The following ZNF439 variants were observed in gnomAD, a reference collection of about 807,000 sequenced individuals.
ZNF439 encodes zinc finger protein 439.
In ZNF439, 40 loss-of-function variants were observed where a neutral mutation model predicts 47.3. That is an observed-to-expected ratio of 0.85 (90% CI 0.66 to 1.10). ZNF439 has a LOEUF of 1.10. Among genes scored for constraint, ZNF439 ranks in the 50% least tolerant of loss-of-function variants. The probability of loss-of-function intolerance (pLI) is 0.00; values close to 1 mark genes in which losing one functional copy is unlikely to be tolerated. For synonymous variants in ZNF439, 171 were observed against 198.8 expected (o/e 0.86, Z 1.18); for missense variants, 556 against 601.1 (o/e 0.93, Z 0.78).
chr19:11,854,537 A>C (rs1976333353), intron 1 of ZNF439, among the ~76,000 whole-genome samples: 1 of 152,194 alleles, frequency 6.6e-6, no homozygotes, highest in Admixed American at 6.5e-5. Flanking sequence ...AGGCAGGTGG[A>C]TTACAAGGTC....
At chr19:11,863,225 G>A (rs1472097977) in intron 1 of ZNF439, among the ~76,000 whole-genome samples, 3 of 132,292 alleles carry the variant, frequency 2.3e-5, no homozygotes, top group East Asian at 2.3e-4. Context: ...GCACAGTCTC[G>A]GCTCAGCTCA....
chr19:11,854,913 T>C (rs449317), intron 1 of ZNF439, among the ~76,000 whole-genome samples: 26,370 of 152,128 alleles, frequency 0.17, 3,056 homozygotes, highest in African/African-American at 0.33. Context: ...AACCGTAAAC[T>C]GAGTGGTGAT....
intron 3 of ZNF439, among the ~76,000 whole-genome samples, chr19:11,866,825 TCAA>T (rs1249827696): frequency 1.3e-5 from 2 of 152,134 alleles, no homozygotes; most frequent in Non-Finnish European, 2.9e-5. Flanking sequence ...GGCCAGCAGT[TCAA>T]CAACAGCCTG....
At chr19:11,855,311 G>T (rs545287364) in intron 1 of ZNF439, among the ~76,000 whole-genome samples, 4 of 152,308 alleles carry the variant, frequency 2.6e-5, no homozygotes, top group South Asian at 4.1e-4. Flanking sequence ...GTCCATGGAG[G>T]GGGGTAGGAA....
At chr19:11,850,198 T>G (rs1976196671) in intron 1 of ZNF439, 2 of 152,326 alleles carry the variant, frequency 1.3e-5, no homozygotes, top group South Asian at 2.1e-4. Flanking sequence ...CTCAGCCTCC[T>G]GAGTAGCTGG....
At chr19:11,850,554 A>C (rs1976208175) in intron 1 of ZNF439, 2 of 152,096 alleles carry the variant, frequency 1.3e-5, no homozygotes, top group African/African-American at 4.8e-5. Context: ...TCAAGCAGAA[A>C]GATAGCAATG....
intron 1 of ZNF439, among the ~76,000 whole-genome samples, chr19:11,859,920 A>G (rs957720460): frequency 5.3e-5 from 8 of 152,178 alleles, no homozygotes; most frequent in Non-Finnish European, 1.0e-4. Flanking sequence ...GCTGTCTAGC[A>G]GAATAAGAAG....
At chr19:11,851,997 T>G (rs1976259269) in intron 1 of ZNF439, among the ~76,000 whole-genome samples, 1 of 152,212 alleles carries the variant, frequency 6.6e-6, no homozygotes, top group African/African-American at 2.4e-5. Context: ...GCTTGTTTTC[T>G]TTTCTTTCTA....
At chr19:11,864,926 A>T (rs1364942976) in intron 1 of ZNF439, among the ~76,000 whole-genome samples, 1 of 151,928 alleles carries the variant, frequency 6.6e-6, no homozygotes, top group Admixed American at 6.6e-5. Flanking sequence ...GATTACAGGC[A>T]TGCGCCACCA....
In ZNF439 at chr19:11,866,350, C is replaced by A. The variant is rs766152874; in HGVS notation, c.190+19C>A. The A allele has an allele frequency of 3.1e-6, 5 of 1,613,986 alleles. No homozygotes were observed. Among genetic ancestry groups the A allele is most frequent in the Non-Finnish European group, 4.2e-6 (5 of 1,179,980 alleles). On this transcript the variant is annotated intron_variant, in intron 2 of 3. Coordinates refer to ENST00000682736, the MANE Select transcript of ZNF439 (RefSeq NM_001348719.2). ...TCTATAGGTAAGGATGACAATATTC[C>A]TTCCCTCAGTGCATTAGTTTACCAA...
intron 1 of ZNF439, among the ~76,000 whole-genome samples, chr19:11,855,465 T>C (rs894111765): frequency 3.3e-5 from 5 of 152,170 alleles, no homozygotes; most frequent in African/African-American, 9.7e-5. Context: ...ATGCTTGAGC[T>C]TGAATTATAA....
At chr19:11,855,925 G>C (rs969830979) in intron 1 of ZNF439, 1 of 152,204 alleles carries the variant, frequency 6.6e-6, no homozygotes, top group African/African-American at 2.4e-5. Context: ...GGTTGTACCG[G>C]AGGGACCAAG....
At chr19:11,858,149 G>T (rs1295911836) in intron 1 of ZNF439, 1 of 152,152 alleles carries the variant, frequency 6.6e-6, no homozygotes, top group African/African-American at 2.4e-5. Context: ...TATCCTTCTC[G>T]TGTAAGGGTA....
chr19:11,862,205 C>T (rs529886613), intron 1 of ZNF439, among the ~76,000 whole-genome samples: 7 of 152,060 alleles, frequency 4.6e-5, no homozygotes, highest in Admixed American at 1.3e-4. Flanking sequence ...CCACCATGTC[C>T]GGCCACTCAT....
At chr19:11,856,250 T>C (rs1387084937) in intron 1 of ZNF439, 2 of 152,242 alleles carry the variant, frequency 1.3e-5, no homozygotes, top group Admixed American at 6.5e-5. Flanking sequence ...TGGTCTCCTA[T>C]ACCCCCTTTC....
Position 11,848,768 on chromosome 19 carries a change from C to G in ZNF439, c.-100C>G. ...GGAGGATGTTGCATTCCTGCCGTCA[C>G]CTTTGTCGCTGCGAGGGCGGCGGTT... On this transcript the variant is annotated 5_prime_UTR_variant, in exon 1 of 4. Coordinates refer to ENST00000682736, the MANE Select transcript of ZNF439 (RefSeq NM_001348719.2). The G allele has an allele frequency of 7.6e-7, 1 of 1,313,590 alleles. No homozygotes were observed. Among genetic ancestry groups the G allele is most frequent in the Admixed American group, 2.6e-5 (1 of 38,498 alleles). The allele number at this position is 1,313,590 out of a possible 1,614,324, so 81.4% of individuals were successfully genotyped here. A position where few individuals can be genotyped will look rare whatever the true frequency, so the allele number is the denominator to read the frequency against.
chr19:11,858,302 CAA>C (rs33950344), intron 1 of ZNF439: 4 of 140,166 alleles, frequency 2.9e-5, no homozygotes, highest in Non-Finnish European at 4.7e-5. Context: ...ACTAAAAATA[CAA>C]AAAAAAAAAA....
Position 11,868,627 on chromosome 19 carries a change from A to T in ZNF439, c.*58A>T. The T allele has an allele frequency of 6.7e-7, 1 of 1,503,696 alleles. No individual in the cohort carries two copies. Among genetic ancestry groups the T allele is most frequent in the Non-Finnish European group, 9.1e-7 (1 of 1,102,958 alleles). 93.1% of individuals were successfully genotyped at this position (1,503,696 alleles called of 1,614,324 possible). A position where few individuals can be genotyped will look rare whatever the true frequency, so the allele number is the denominator to read the frequency against. ...CCAAGTTATTTCAAACACATGAAAA[A>T]ATTCACACTGGAGAGAAACCCTATA... is the stretch of plus-strand genomic sequence containing the variant. On this transcript the variant is annotated 3_prime_UTR_variant, in exon 4 of 4. Coordinates refer to ENST00000682736, the MANE Select transcript of ZNF439 (RefSeq NM_001348719.2).
chr19:11,851,431 G>A (rs1568252627), intron 1 of ZNF439, among the ~76,000 whole-genome samples: 1 of 152,194 alleles, frequency 6.6e-6, no homozygotes. Flanking sequence ...TTGTGGGAGT[G>A]TAAGGATACT....
Sources: gnomAD v4.1 joint callset for allele counts (sites outside exome capture counted in the v4.1 genomes callset) on GRCh38, gnomAD v4.1.1 for gene constraint, MANE v1.5 for transcripts, NCBI Gene and HGNC (gene_info 2026-07-23, HGNC 2026-07-21) for gene names.